Variants in SLC24A2 observed in about 807,000 individuals in gnomAD.
SLC24A2 encodes the protein solute carrier family 24 member 2.
SLC24A2 carries 36 observed loss-of-function variants against 62.0 expected under a neutral mutation model. The ratio of observed to expected loss-of-function variants is 0.58; its 90% confidence interval spans 0.44 to 0.77. The LOEUF (loss-of-function observed/expected upper bound fraction) is 0.77. SLC24A2 is among the 30% of genes least tolerant of loss of function. SLC24A2 has a pLI of 0.00. For missense variants in SLC24A2, 846 were observed against 817.9 expected (o/e 1.03, Z -0.42); for synonymous variants, 358 against 294.0 (o/e 1.22, Z -2.23).
At chr9:20,051,258 G>C in the SLC24A2 span, among the ~76,000 whole-genome samples, 1 of 152,124 alleles carries the variant, frequency 6.6e-6, no homozygotes, top group East Asian at 1.9e-4. Context: ...AAAACAAAGA[G>C]GGTCACTTCA....
intron 2 of SLC24A2, among the ~76,000 whole-genome samples, chr9:19,677,934 A>G (rs1819607013): frequency 6.6e-6 from 1 of 152,152 alleles, no homozygotes; most frequent in African/African-American, 2.4e-5. Context: ...ACAAGCACAC[A>G]AAACAATGAC....
chr9:19,558,696 C>T (rs1363576521), intron 7 of SLC24A2, among the ~76,000 whole-genome samples: 2 of 152,070 alleles, frequency 1.3e-5, no homozygotes, highest in Admixed American at 6.5e-5. Context: ...CCAACAGAGC[C>T]CCATGAGAAG....
At chr9:20,226,172 T>C in the SLC24A2 span, among the ~76,000 whole-genome samples, 12 of 152,220 alleles carry the variant, frequency 7.9e-5, no homozygotes, top group African/African-American at 2.6e-4. Flanking sequence ...TGCAAGGAAA[T>C]TGAGGAAAAG....
chr9:20,287,667 G>A, the SLC24A2 span, among the ~76,000 whole-genome samples: 2 of 152,228 alleles, frequency 1.3e-5, no homozygotes, highest in African/African-American at 2.4e-5. Flanking sequence ...AGAGCTTTCA[G>A]TTGAGCAATG....
the SLC24A2 span, among the ~76,000 whole-genome samples, chr9:20,262,532 T>C: frequency 8.5e-5 from 13 of 152,346 alleles, no homozygotes; most frequent in Non-Finnish European, 1.8e-4. Context: ...GAGCTAACCA[T>C]AGCCCTGCTG....
intron 2 of SLC24A2, among the ~76,000 whole-genome samples, chr9:19,729,106 T>C (rs955800658): frequency 3.3e-5 from 5 of 152,090 alleles, no homozygotes; most frequent in African/African-American, 1.2e-4. Flanking sequence ...CAAAATAAGA[T>C]ATACTAATGG....
At chr9:19,767,604 G>A (rs961010160) in intron 2 of SLC24A2, among the ~76,000 whole-genome samples, 14 of 152,124 alleles carry the variant, frequency 9.2e-5, no homozygotes, top group Admixed American at 3.9e-4. Flanking sequence ...GCCCCACCCT[G>A]CTTCTGCTTA....
the SLC24A2 span, among the ~76,000 whole-genome samples, chr9:19,891,562 C>T: frequency 1.3e-5 from 2 of 152,020 alleles, no homozygotes; most frequent in African/African-American, 2.4e-5. Flanking sequence ...GAAGAGGAGG[C>T]AGATATGCAA....
chr9:19,801,205 T>C, the SLC24A2 span, among the ~76,000 whole-genome samples: 1 of 152,236 alleles, frequency 6.6e-6, no homozygotes, highest in Non-Finnish European at 1.5e-5. Flanking sequence ...GTGAGTGTTT[T>C]AGCTCTATTA....
rs918543677 is a variant in SLC24A2, at chr9:19,726,923, G to C, written c.930+59014C>G. ...ACATTTTGTTTTTTCCTTCATGTCA[G>C]AAAGATGGTATTTTATTTATCCCTA... On this transcript the variant is annotated intron_variant, in intron 2 of 10. Transcript: ENST00000341998. Among the ~76,000 whole-genome samples, 8 of 152,112 alleles carry C rather than the reference G, an allele frequency of 5.3e-5. No homozygotes were observed. The East Asian group carries it at 1.5e-3, about 29-fold the overall frequency.
the SLC24A2 span, among the ~76,000 whole-genome samples, chr9:20,215,066 C>A: frequency 1.3e-5 from 2 of 152,186 alleles, no homozygotes; most frequent in African/African-American, 4.8e-5. Context: ...ATTTATTTTT[C>A]ACAGTTCTCA....
intron 2 of SLC24A2, chr9:19,705,453 A>C (rs997455406): frequency 5.4e-6 from 1 of 185,198 alleles, no homozygotes; most frequent in Admixed American, 5.6e-5. Flanking sequence ...CACCACCTCA[A>C]GAAGTGGGCA....
intron 5 of SLC24A2, among the ~76,000 whole-genome samples, chr9:19,590,592 A>G (rs1241731486): frequency 6.6e-6 from 1 of 152,134 alleles, no homozygotes; most frequent in African/African-American, 2.4e-5. Flanking sequence ...ATTCCTGAAG[A>G]TCGTAGAACC....
intron 2 of SLC24A2, among the ~76,000 whole-genome samples, chr9:19,651,102 G>A (rs1200329325): frequency 1.3e-5 from 2 of 152,066 alleles, no homozygotes; most frequent in Non-Finnish European, 2.9e-5. Flanking sequence ...ATAGTATTAG[G>A]TAGCACAGAT....
intron 2 of SLC24A2, among the ~76,000 whole-genome samples, chr9:19,648,111 G>T (rs1818694879): frequency 6.6e-6 from 1 of 152,292 alleles, no homozygotes; most frequent in Non-Finnish European, 1.5e-5. Flanking sequence ...AACTATAGTA[G>T]GCAGTGGGCA....
the SLC24A2 span, among the ~76,000 whole-genome samples, chr9:20,256,427 G>C: frequency 6.6e-6 from 1 of 152,168 alleles, no homozygotes; most frequent in South Asian, 2.1e-4. Flanking sequence ...AGACAGTCCT[G>C]CCAAGACTTT....
At chr9:20,236,144 T>C in the SLC24A2 span, among the ~76,000 whole-genome samples, 1 of 152,210 alleles carries the variant, frequency 6.6e-6, no homozygotes, top group South Asian at 2.1e-4. Flanking sequence ...GCAGTCAAGA[T>C]CTGCTTTCTT....
intron 4 of SLC24A2, among the ~76,000 whole-genome samples, chr9:19,614,251 A>C (rs1003911080): frequency 2.0e-5 from 3 of 152,196 alleles, no homozygotes; most frequent in African/African-American, 7.2e-5. Context: ...CTAGTTCCCC[A>C]AGGTTTTCTT....
At chr9:20,272,927 C>T in the SLC24A2 span, among the ~76,000 whole-genome samples, 1 of 152,206 alleles carries the variant, frequency 6.6e-6, no homozygotes, top group African/African-American at 2.4e-5. Flanking sequence ...GTTAAGATCC[C>T]TCAGTGTGTT....
Sources: gnomAD v4.1 joint callset for allele counts (sites outside exome capture counted in the v4.1 genomes callset) on GRCh38, gnomAD v4.1.1 for gene constraint, MANE v1.5 for transcripts, NCBI Gene and HGNC (gene_info 2026-07-23, HGNC 2026-07-21) for gene names.